Variants in ASTN2 observed in about 807,000 individuals in gnomAD.
The protein encoded by ASTN2 is astrotactin 2.
In ASTN2, 54 loss-of-function variants were observed where a neutral mutation model predicts 139.8. The observed-to-expected ratio is 0.39, with a 90% CI of 0.31 to 0.48. ASTN2 has a LOEUF of 0.48. ASTN2 is among the 20% of genes least tolerant of loss of function. The pLI, the probability that ASTN2 is intolerant of heterozygous loss-of-function variation, is 0.95. For synonymous variants in ASTN2, 756 were observed against 719.5 expected (o/e 1.05, Z -0.81); for missense variants, 1,565 against 1,725.1 (o/e 0.91, Z 1.64).
chr9:116,425,200 T>A lies in ASTN2; in HGVS notation c.*651A>T. On this transcript the variant is annotated 3_prime_UTR_variant, in exon 23 of 23. Coordinates refer to ENST00000313400, the MANE Select transcript of ASTN2 (RefSeq NM_001365068.1). ...ACAGAGGTCTCTCAAGCACATTCCC[T>A]TGGTAAGAAATACCACCCAAGCAGA... The A allele has an allele frequency of 3.8e-6, 1 of 264,560 alleles. No homozygotes were observed. The highest frequency in any genetic ancestry group is 7.1e-6 in the Non-Finnish European group (1 of 140,332). 16.4% of individuals were successfully genotyped at this position (264,560 alleles called of 1,614,324 possible).
chr9:116,877,852 C>T (rs1337802999), intron 10 of ASTN2, among the ~76,000 whole-genome samples: 1 of 152,112 alleles, frequency 6.6e-6, no homozygotes, highest in Non-Finnish European at 1.5e-5. Flanking sequence ...CACTTAAACA[C>T]ATTTACAAGA....
At chr9:117,102,578 A>G (rs1203061175) in intron 4 of ASTN2, among the ~76,000 whole-genome samples, 1 of 152,194 alleles carries the variant, frequency 6.6e-6, no homozygotes, top group East Asian at 1.9e-4. Flanking sequence ...GCTGGGGTAC[A>G]GTGGCATGAT....
chr9:117,157,599 C>G (rs1391718385), intron 3 of ASTN2, among the ~76,000 whole-genome samples: 1 of 151,978 alleles, frequency 6.6e-6, no homozygotes, highest in Admixed American at 6.6e-5. Context: ...AAAACAGGGA[C>G]TGAAGCAACA....
Position 117,291,306 on chromosome 9 carries a change from C to G in ASTN2, c.630+20G>C, listed in dbSNP as rs1356804199. 1 of 1,613,426 alleles carries G rather than the reference C, an allele frequency of 6.2e-7. No homozygotes were observed. The highest frequency in any genetic ancestry group is 1.7e-5 in the Admixed American group (1 of 60,012). ...CCCCCACGCAATCCCCGACCCCGGT[C>G]ACATCCCCCCATCACTCACCATCAC... On this transcript the variant is annotated intron_variant, in intron 2 of 22. Coordinates refer to ENST00000313400, the MANE Select transcript of ASTN2 (RefSeq NM_001365068.1).
chr9:117,313,558 G>A (rs1327744389), intron 1 of ASTN2, among the ~76,000 whole-genome samples: 1 of 152,194 alleles, frequency 6.6e-6, no homozygotes, highest in African/African-American at 2.4e-5. Flanking sequence ...GTGCAATCAT[G>A]AAGAATGGAC....
intron 5 of ASTN2, among the ~76,000 whole-genome samples, chr9:117,089,047 G>A (rs1331125379): frequency 4.6e-5 from 7 of 152,164 alleles, no homozygotes; most frequent in Admixed American, 2.6e-4. Flanking sequence ...CCTTGCCTCC[G>A]GAGACTGTAA....
At chr9:116,732,277 G>A (rs1317453643) in intron 14 of ASTN2, among the ~76,000 whole-genome samples, 1 of 152,132 alleles carries the variant, frequency 6.6e-6, no homozygotes, top group African/African-American at 2.4e-5. Context: ...GGCCTTGCAG[G>A]GTTACATGGT....
intron 13 of ASTN2, among the ~76,000 whole-genome samples, chr9:116,781,777 T>C (rs1389696759): frequency 6.6e-6 from 1 of 152,146 alleles, no homozygotes; most frequent in Non-Finnish European, 1.5e-5. Flanking sequence ...TCCGGTTAAC[T>C]TGTCATTTCA....
intron 10 of ASTN2, among the ~76,000 whole-genome samples, chr9:116,877,125 C>T (rs541508398): frequency 3.3e-5 from 5 of 152,282 alleles, no homozygotes; most frequent in Admixed American, 6.5e-5. Context: ...TCTTAGCCAA[C>T]GGGATCTGCT....
chr9:117,230,341 G>T (rs551881125), intron 2 of ASTN2, among the ~76,000 whole-genome samples: 1 of 152,098 alleles, frequency 6.6e-6, no homozygotes, highest in African/African-American at 2.4e-5. Context: ...TCTCACTTCT[G>T]GTGGCTCCTG....
intron 12 of ASTN2, among the ~76,000 whole-genome samples, chr9:116,817,295 A>G (rs1263734615): frequency 7.6e-6 from 1 of 131,986 alleles, no homozygotes; most frequent in Non-Finnish European, 1.6e-5. Flanking sequence ...CTCCATCTCA[A>G]AAAAAAAAAA....
intron 2 of ASTN2, among the ~76,000 whole-genome samples, chr9:117,289,345 T>C (rs1564128201): frequency 6.6e-6 from 1 of 152,118 alleles, no homozygotes; most frequent in Non-Finnish European, 1.5e-5. Flanking sequence ...CTACAGGGAA[T>C]TTCAGTGACA....
intron 1 of ASTN2, among the ~76,000 whole-genome samples, chr9:117,389,469 C>T (rs141554638): frequency 2.6e-5 from 4 of 152,310 alleles, no homozygotes; most frequent in Non-Finnish European, 5.9e-5. Flanking sequence ...GGAATAGAGG[C>T]AAATGCTCAT....
chr9:116,641,474 G>A (rs1297201823), intron 17 of ASTN2, among the ~76,000 whole-genome samples: 2 of 152,070 alleles, frequency 1.3e-5, no homozygotes, highest in Admixed American at 6.5e-5. Context: ...CACCCACCAT[G>A]TGGACTTGAT....
At chr9:116,893,488 G>A (rs1015568195) in intron 10 of ASTN2, among the ~76,000 whole-genome samples, 55 of 152,184 alleles carry the variant, frequency 3.6e-4, no homozygotes, top group African/African-American at 1.3e-3. Flanking sequence ...CCTCTTACTA[G>A]CTAGGTGACT....
At chr9:117,201,961 TG>T in intron 3 of ASTN2, among the ~76,000 whole-genome samples, 1 of 152,298 alleles carries the variant, frequency 6.6e-6, no homozygotes, top group African/African-American at 2.4e-5. Flanking sequence ...CCACTATTAT[TG>T]TGTGGGAGTC....
intron 12 of ASTN2, among the ~76,000 whole-genome samples, chr9:116,809,807 G>A (rs1831117740): frequency 6.6e-6 from 1 of 152,120 alleles, no homozygotes; most frequent in Non-Finnish European, 1.5e-5. Flanking sequence ...TCCTCTTCCT[G>A]GACTTGCATT....
intron 11 of ASTN2, among the ~76,000 whole-genome samples, chr9:116,846,195 G>C (rs75674548): frequency 6.6e-6 from 1 of 152,106 alleles, no homozygotes; most frequent in Admixed American, 6.5e-5. Flanking sequence ...GTTGCCAGGG[G>C]CTGGGGGAAG....
At chr9:117,287,101 G>A (rs919186919) in intron 2 of ASTN2, among the ~76,000 whole-genome samples, 16 of 152,152 alleles carry the variant, frequency 1.1e-4, no homozygotes, top group Admixed American at 6.5e-4. Flanking sequence ...TAATAGAGGT[G>A]CTGCACTTAG....
Sources: allele counts gnomAD v4.1 joint callset (sites outside exome capture counted in the v4.1 genomes callset), GRCh38; gene constraint gnomAD v4.1.1; transcripts MANE v1.5; gene names NCBI Gene and HGNC (gene_info 2026-07-23, HGNC 2026-07-21).